The following ABAT variants were observed in gnomAD, a reference collection of about 807,000 sequenced individuals.
The protein encoded by ABAT is 4-aminobutyrate aminotransferase.
ABAT carries 45 observed loss-of-function variants against 64.6 expected under a neutral mutation model. The ratio of observed to expected loss-of-function variants is 0.70; its 90% CI spans 0.55 to 0.89. The LOEUF (loss-of-function observed/expected upper bound fraction) is 0.89. Ranked by LOEUF, ABAT falls within the 40% of genes least tolerant of loss-of-function variation. The probability of loss-of-function intolerance (pLI) is 0.00; values close to 1 mark genes in which losing one functional copy is unlikely to be tolerated. For missense variants in ABAT, 633 were observed against 658.4 expected, an observed-to-expected ratio of 0.96 and a Z score of 0.42; for synonymous variants, 297 against 250.5, an observed-to-expected ratio of 1.19 and a Z score of -1.75.
Position 8,766,110 on chromosome 16 carries a change from T to C in ABAT, c.541-98T>C. 4 of 1,190,160 alleles carry C rather than the reference T, an allele frequency of 3.4e-6. No homozygotes were observed. The Admixed American group carries it at 5.5e-5, about 16-fold the overall frequency. 73.7% of individuals were successfully genotyped at this position (1,190,160 alleles called of 1,614,324 possible). ...ATGAGATCCACTCCTGAGAAAGCAC[T>C]TTCTACTTGTCTGGACTGAATATCG... On this transcript the variant is annotated intron_variant, in intron 8 of 15. Transcript: ENST00000268251.
chr16:8,763,946 G>A (rs766021645), intron 6 of ABAT, 123 bp from the exon 7 acceptor site: 9 of 816,634 alleles, frequency 1.1e-5, no homozygotes, highest in African/African-American at 1.7e-5. Flanking sequence ...CTGACAGAAC[G>A]TCATCATCCT....
At chr16:8,688,203 C>T (rs778438107) in intron 1 of ABAT, among the ~76,000 whole-genome samples, 17 of 152,094 alleles carry the variant, frequency 1.1e-4, no homozygotes, top group Non-Finnish European at 1.8e-4. Context: ...AAGTTGAATG[C>T]TTCCTACCTA....
chr16:8,746,428 C>T (rs2059330453), intron 3 of ABAT, among the ~76,000 whole-genome samples: 1 of 151,928 alleles, frequency 6.6e-6, no homozygotes, highest in Admixed American at 6.6e-5. Context: ...TGGCGGTTGC[C>T]TGTAGTCCCA....
chr16:8,733,963 A>G (rs918393342), intron 1 of ABAT, among the ~76,000 whole-genome samples: 2 of 152,238 alleles, frequency 1.3e-5, no homozygotes, highest in Non-Finnish European at 2.9e-5. Flanking sequence ...AGCATATAAC[A>G]GGATTTCCTC....
chr16:8,748,529 A>G (rs1348799576), intron 4 of ABAT, among the ~76,000 whole-genome samples: 1 of 152,152 alleles, frequency 6.6e-6, no homozygotes, highest in African/African-American at 2.4e-5. Flanking sequence ...AGAGTGTTCT[A>G]TAGATGTTTC....
intron 1 of ABAT, among the ~76,000 whole-genome samples, chr16:8,731,906 T>G (rs7195079): frequency 0.093 from 14,089 of 152,032 alleles, 767 homozygotes; most frequent in East Asian, 0.24. Context: ...CAGGCTGGAG[T>G]GCAGTGGTGC....
intron 1 of ABAT, among the ~76,000 whole-genome samples, chr16:8,689,741 A>C (rs1273355): frequency 0.085 from 12,903 of 152,276 alleles, 677 homozygotes; most frequent in Middle Eastern, 0.17. Context: ...GTGAGTAGAA[A>C]TGAAGGAATC....
At chr16:8,738,013 A>C (rs79044560) in intron 2 of ABAT, among the ~76,000 whole-genome samples, 11,778 of 111,958 alleles carry the variant, frequency 0.11, 1,821 homozygotes, top group African/African-American at 0.16. Flanking sequence ...AGAAAGAAAG[A>C]AAGGAAAGAA....
At chr16:8,746,973 T>G (rs1029063581) in intron 3 of ABAT, among the ~76,000 whole-genome samples, 8 of 152,110 alleles carry the variant, frequency 5.3e-5, no homozygotes, top group African/African-American at 1.9e-4. Flanking sequence ...ATCACTGCAG[T>G]GATTTGGTTC....
chr16:8,731,875 A>G (rs1475298587), intron 1 of ABAT, among the ~76,000 whole-genome samples: 1 of 151,704 alleles, frequency 6.6e-6, no homozygotes, highest in African/African-American at 2.4e-5. Context: ...CCTCCTTGAA[A>G]CAGAGTCTCG....
chr16:8,768,250 A>G lies in ABAT; in HGVS notation c.661A>G (p.Thr221Ala). 1 of 1,613,938 alleles carries G rather than the reference A, an allele frequency of 6.2e-7. No individual in the cohort carries two copies. The highest frequency in any genetic ancestry group is 8.5e-7 in the Non-Finnish European group (1 of 1,180,012). The change falls in exon 10 of 16, where the codon ACC (threonine) becomes GCC (alanine). Residue 221 changes from threonine to alanine, a missense_variant. Physicochemically the swap from Thr to Ala is moderately conservative, Grantham distance 58. Transcript: ENST00000268251. ...LSFMGAFHGR[T>A]MGCLATTHSK... ...CTTCATGGGCGCGTTCCATGGGAGG[A>G]CCATGGGTAAGGAGGGACCATTGCG... is the stretch of plus-strand genomic sequence containing the variant.
intron 1 of ABAT, among the ~76,000 whole-genome samples, chr16:8,675,593 C>T (rs555420946): frequency 7.2e-5 from 11 of 152,306 alleles, no homozygotes; most frequent in South Asian, 2.1e-4. Context: ...CTCACCTTTC[C>T]TCACCCACCC....
chr16:8,768,357 A>C, intron 10 of ABAT, 101 bp downstream of exon 10: 24 of 1,084,448 alleles, frequency 2.2e-5, no homozygotes, highest in Non-Finnish European at 3.1e-5. Flanking sequence ...ATATTGTCCC[A>C]CTGATTGCAC....
intron 1 of ABAT, among the ~76,000 whole-genome samples, chr16:8,710,727 A>AGAGGGAGAGAGAGGGAGAGGGAGG (rs1555485684): frequency 1.9e-5 from 2 of 103,698 alleles, no homozygotes; most frequent in Admixed American, 1.1e-4. Context: ...AGAGAGAGAG[A>AGAGGGAGAGAGAGGGAGAGGGAGG]GAGGAAATAG....
intron 1 of ABAT, among the ~76,000 whole-genome samples, chr16:8,694,662 G>A (rs544949444): frequency 6.6e-6 from 1 of 152,310 alleles, no homozygotes; most frequent in East Asian, 1.9e-4. Context: ...ACAGGCATGA[G>A]CCACCGCACC....
At position 8,764,741 on chromosome 16, in the gene ABAT, G is replaced by A. The variant is rs1210477111; in HGVS notation, c.451G>A (p.Ala151Thr). 1.2e-6 allele frequency: 2 copies of A among 1,613,908 alleles called. No homozygotes were observed. Among genetic ancestry groups the A allele is most frequent in the Non-Finnish European group, 1.7e-6 (2 of 1,179,972 alleles). ...ACGGCTATTTCCCTCCCCACAGGTGGCTCCCAAAGGGATGTCCCAGCTCAT... is the reference window on the plus strand; with the variant it reads ...ACGGCTATTTCCCTCCCCACAGGTGACTCCCAAAGGGATGTCCCAGCTCAT... ...EKLRQSLLSV[A>T]PKGMSQLITM... Residue 151 changes from alanine (A) to threonine (T), a missense_variant, in exon 8 of 16, where the codon GCT (alanine) becomes ACT (threonine). Physicochemically the swap from Ala to Thr is moderately conservative, Grantham distance 58. Coordinates refer to ENST00000268251, the MANE Select transcript of ABAT (RefSeq NM_020686.6). This position sits in a 1 kb window ranked among gnomAD's most constrained non-coding sequence, Gnocchi z 4.2.
chr16:8,755,670 G>T (rs1358513618), intron 5 of ABAT, among the ~76,000 whole-genome samples: 1 of 152,164 alleles, frequency 6.6e-6, no homozygotes, highest in Non-Finnish European at 1.5e-5. Context: ...TAGCACTTTG[G>T]AAGGCCGAGG....
Position 8,730,250 on chromosome 16 carries a change from G to C in ABAT, c.-41-5449G>C, listed in dbSNP as rs369400973. On this transcript the variant is annotated intron_variant, in intron 1 of 15. Transcript: ENST00000268251. Reference sequence around the variant, plus strand: ...TATGTGCCCTAGTGCCCAGTGAAGGGTCTGGCACACGGTAGGTGTACCATG... The same window carrying C: ...TATGTGCCCTAGTGCCCAGTGAAGGCTCTGGCACACGGTAGGTGTACCATG... Among the ~76,000 whole-genome samples, 4 of 152,292 alleles carry C rather than the reference G, an allele frequency of 2.6e-5. No individual in the cohort carries two copies. In the East Asian group the frequency reaches 5.8e-4, roughly 22 times the overall value.
rs777699903 is a variant in ABAT at position 8,746,074 on chromosome 16, G to T, written c.144G>T (p.Thr48=). The T allele has an allele frequency of 7.4e-6, 12 of 1,613,636 alleles. No individual in the cohort carries two copies. Among genetic ancestry groups the T allele is most frequent in the Non-Finnish European group, 1.0e-5 (12 of 1,179,936 alleles). ...EFDYDGPLMK[T]EVPGPRSQEL... is the part of the protein sequence containing the mutation. The stretch of plus-strand genomic sequence containing the variant: ...ATTATGATGGGCCTCTGATGAAGAC[G>T]GAAGTCCCAGGGCCTAGATCTCAGG... The change falls in exon 3 of 16, where the codon ACG becomes ACT. Residue 48 remains threonine, a synonymous_variant. Transcript: ENST00000268251.
Sources: allele counts gnomAD v4.1 joint callset (sites outside exome capture counted in the v4.1 genomes callset), GRCh38; gene constraint gnomAD v4.1.1; non-coding constraint Gnocchi (gnomAD v3.1); transcripts MANE v1.5; gene names NCBI Gene and HGNC (gene_info 2026-07-23, HGNC 2026-07-21).